XKR8: variants seen among roughly 807,000 people sequenced by gnomAD.
XKR8 encodes the protein XK-related protein 8.
Under a neutral mutation model 17.1 loss-of-function variants are expected in XKR8, and 10 were observed. The ratio of observed to expected loss-of-function variants is 0.59; its 90% confidence interval spans 0.36 to 0.99. The LOEUF is 0.99. Ranked by LOEUF, XKR8 falls within the 50% of genes least tolerant of loss-of-function variation. The pLI, the probability that XKR8 is intolerant of heterozygous loss-of-function variation, is 0.01. For missense variants in XKR8, 411 were observed against 515.6 expected (o/e 0.80, Z 1.96); for synonymous variants, 213 against 251.9 (o/e 0.85, Z 1.46).
In XKR8 at chr1:27,966,407, C is replaced by T. The variant is rs551267940; in HGVS notation, c.491-96C>T. On this transcript the variant is annotated intron_variant, in intron 2 of 2. Transcript: ENST00000373884. This position sits in a 1 kb window ranked among gnomAD's most constrained non-coding sequence, Gnocchi z 4.3. Reference sequence around the variant, plus strand: ...AAACGAGGGATTCTAATACCTACCCCAGGGTTGCTGGGAGGGCCCCCACGG... The same window carrying T: ...AAACGAGGGATTCTAATACCTACCCTAGGGTTGCTGGGAGGGCCCCCACGG... The T allele has an allele frequency of 5.8e-5, 72 of 1,236,204 alleles. No individual in the cohort carries two copies. In the African/African-American group the frequency reaches 8.2e-4, roughly 14 times the overall value. 76.6% of individuals were successfully genotyped at this position (1,236,204 alleles called of 1,614,324 possible). A position where few individuals can be genotyped will look rare whatever the true frequency, so the allele number is the denominator to read the frequency against.
rs574764056 is a variant in XKR8, at chr1:27,962,807, G to A, written c.294-690G>A. Among the ~76,000 whole-genome samples, 5 of 151,978 alleles carry A rather than the reference G, an allele frequency of 3.3e-5. No homozygotes were observed. The East Asian group carries it at 9.7e-4, about 29-fold the overall frequency. ...TGGGGCTTGCTGTGTTGCCCAGGGT[G>A]GTCTCAAACTCCTGGCCTCCAGTGA... On this transcript the variant is annotated intron_variant, in intron 1 of 2. Coordinates refer to ENST00000373884, the MANE Select transcript of XKR8 (RefSeq NM_018053.4).
chr1:27,963,379 C>G, intron 1 of XKR8, 118 bp from the exon 2 acceptor site: 1 of 1,256,110 alleles, frequency 8.0e-7, no homozygotes, highest in East Asian at 2.5e-5. Context: ...CCGAAGGCCC[C>G]ATAGCATGGA....
Position 27,966,446 on chromosome 1 carries a change from TGGG to T in XKR8, c.491-55_491-53del. 6.5e-7 allele frequency: 1 copy of T among 1,538,720 alleles called. No individual in the cohort carries two copies. Among genetic ancestry groups the T allele is most frequent in the African/African-American group, 1.4e-5 (1 of 73,572 alleles). The stretch of plus-strand genomic sequence containing the variant: ...GGGCCCCCACGGTACCTGTGACCGC[TGGG>T]GAGTGCCAAGCAGGCTGGCCCCAGG... On this transcript the variant is annotated intron_variant, in intron 2 of 2. Coordinates refer to ENST00000373884, the MANE Select transcript of XKR8 (RefSeq NM_018053.4). The surrounding 1 kb of genome is among the most constrained non-coding windows in gnomAD (Gnocchi z 4.3).
In XKR8 at chr1:27,965,928, G is replaced by C. The variant is rs1463390109; in HGVS notation, c.491-575G>C. 6.6e-6 allele frequency among the ~76,000 whole-genome samples: 1 copy of C among 152,088 alleles called. No homozygotes were observed. The highest frequency in any genetic ancestry group is 1.5e-5 in the Non-Finnish European group (1 of 68,012). ...AAACTTCTGGATCTTGGAAAATCAA[G>C]GTTAGGGGTCAGTCCGATGGCCTCT... On this transcript the variant is annotated intron_variant, in intron 2 of 2. Transcript: ENST00000373884. This position sits in a 1 kb window ranked among gnomAD's most constrained non-coding sequence, Gnocchi z 4.1.
In XKR8 at chr1:27,960,289, G is replaced by A; in HGVS notation, c.220G>A (p.Gly74Ser). 1 of 1,490,054 alleles carries A rather than the reference G, an allele frequency of 6.7e-7. No individual in the cohort carries two copies. 92.3% of individuals were successfully genotyped at this position (1,490,054 alleles called of 1,614,324 possible). Residue 74 changes from glycine to serine, a missense_variant, in exon 1 of 3, where the codon GGC (glycine) becomes AGC (serine). Coordinates refer to ENST00000373884, the MANE Select transcript of XKR8 (RefSeq NM_018053.4). The surrounding 1 kb of genome is among the most constrained non-coding windows in gnomAD (Gnocchi z 5.9). ...SWLWLRADPA[G>S]LHGSQPPRRC... The stretch of plus-strand genomic sequence containing the variant: ...GCTCTGGCTGCGCGCTGACCCTGCC[G>A]GCCTGCACGGGTCGCAGCCCCCGCG...
rs760479893 is a variant in XKR8, at chr1:27,967,344, C to T, written c.*144C>T. The T allele has an allele frequency of 6.4e-5, 60 of 937,890 alleles. No homozygotes were observed. The highest frequency in any genetic ancestry group is 8.4e-5 in the Non-Finnish European group (55 of 653,558). 58.1% of individuals were successfully genotyped at this position (937,890 alleles called of 1,614,324 possible). ...CAAGAGCGGGACGCCTGTGCTGGGC[C>T]GGGCACCAGGGATGGTGCTGAGTCG... On this transcript the variant is annotated 3_prime_UTR_variant, in exon 3 of 3. Coordinates refer to ENST00000373884, the MANE Select transcript of XKR8 (RefSeq NM_018053.4). This position sits in a 1 kb window ranked among gnomAD's most constrained non-coding sequence, Gnocchi z 4.3.
rs1638543312 is a variant in XKR8, at chr1:27,965,094, C to T, written c.490+1401C>T. Among the ~76,000 whole-genome samples, 1 of 152,178 alleles carries T rather than the reference C, an allele frequency of 6.6e-6. No homozygotes were observed. Among genetic ancestry groups the T allele is most frequent in the Admixed American group, 6.5e-5 (1 of 15,282 alleles). ...GGAAGCACTTACAGTCATCATTGCT[C>T]ATGTTCACAGCAGCCCTGTAGGTTT... is the stretch of plus-strand genomic sequence containing the variant. On this transcript the variant is annotated intron_variant, in intron 2 of 2. Coordinates refer to ENST00000373884, the MANE Select transcript of XKR8 (RefSeq NM_018053.4). The surrounding 1 kb of genome is among the most constrained non-coding windows in gnomAD (Gnocchi z 4.1).
chr1:27,966,000 C>T lies in XKR8; in HGVS notation c.491-503C>T, dbSNP rs1385721144. On this transcript the variant is annotated intron_variant, in intron 2 of 2. Transcript: ENST00000373884. The surrounding 1 kb of genome is among the most constrained non-coding windows in gnomAD (Gnocchi z 4.1). The stretch of plus-strand genomic sequence containing the variant: ...GGAGTGGGGAGACCTTCTGTCCACA[C>T]AGCAGGGACATCTCTCCTGGCCCTG... 1.3e-5 allele frequency among the ~76,000 whole-genome samples: 2 copies of T among 152,168 alleles called. No individual in the cohort carries two copies. Among genetic ancestry groups the T allele is most frequent in the Admixed American group, 1.3e-4 (2 of 15,288 alleles).
chr1:27,967,480 A>G lies in XKR8; in HGVS notation c.*280A>G. On this transcript the variant is annotated 3_prime_UTR_variant, in exon 3 of 3. Transcript: ENST00000373884. The surrounding 1 kb of genome is among the most constrained non-coding windows in gnomAD (Gnocchi z 4.3). ...AGACACTTTGGGAGGAAAGAAGACT[A>G]CCTTTTCCCCCTGCCATTGGTATAG... 2 of 265,354 alleles carry G rather than the reference A, an allele frequency of 7.5e-6. No individual in the cohort carries two copies. Among genetic ancestry groups the G allele is most frequent in the East Asian group, 7.3e-5 (1 of 13,662 alleles). The allele number at this position is 265,354 out of a possible 1,614,324, so 16.4% of individuals were successfully genotyped here.
Position 27,967,351 on chromosome 1 carries a change from C to A in XKR8, c.*151C>A. 1.1e-6 allele frequency: 1 copy of A among 872,066 alleles called. No individual in the cohort carries two copies. Among genetic ancestry groups the A allele is most frequent in the Non-Finnish European group, 1.7e-6 (1 of 593,816 alleles). The allele number at this position is 872,066 out of a possible 1,614,324, so 54.0% of individuals were successfully genotyped here. On this transcript the variant is annotated 3_prime_UTR_variant, in exon 3 of 3. Coordinates refer to ENST00000373884, the MANE Select transcript of XKR8 (RefSeq NM_018053.4). This position sits in a 1 kb window ranked among gnomAD's most constrained non-coding sequence, Gnocchi z 4.3. ...GGGACGCCTGTGCTGGGCCGGGCAC[C>A]AGGGATGGTGCTGAGTCGGGCAGAG...
At chr1:27,963,211 G>A (rs1273128237) in intron 1 of XKR8, among the ~76,000 whole-genome samples, 1 of 152,040 alleles carries the variant, frequency 6.6e-6, no homozygotes. Flanking sequence ...TAGTAGAGAC[G>A]AGGCTTCACC....
Position 27,967,310 on chromosome 1 carries a change from T to G in XKR8, c.*110T>G. The G allele has an allele frequency of 7.9e-7, 1 of 1,264,820 alleles. No homozygotes were observed. The highest frequency in any genetic ancestry group is 2.6e-5 in the Admixed American group (1 of 38,084). The allele number at this position is 1,264,820 out of a possible 1,614,324, so 78.3% of individuals were successfully genotyped here. A position where few individuals can be genotyped will look rare whatever the true frequency, so the allele number is the denominator to read the frequency against. On this transcript the variant is annotated 3_prime_UTR_variant, in exon 3 of 3. Coordinates refer to ENST00000373884, the MANE Select transcript of XKR8 (RefSeq NM_018053.4). The surrounding 1 kb of genome is among the most constrained non-coding windows in gnomAD (Gnocchi z 4.3). The stretch of plus-strand genomic sequence containing the variant: ...GCTAACGATGCTGCTGTGGCCTCTA[T>G]GCACTCAGCAAGAGCGGGACGCCTG...
At chr1:27,964,488 TAAAAG>T (rs1462790536) in intron 2 of XKR8, among the ~76,000 whole-genome samples, 1 of 152,116 alleles carries the variant, frequency 6.6e-6, no homozygotes, top group Admixed American at 6.6e-5. Context: ...TTCAAAATTT[TAAAAG>T]AGAAACAAGA....
At chr1:27,963,740 G>T in intron 2 of XKR8, 47 bp downstream of exon 2, 3 of 1,458,884 alleles carry the variant, frequency 2.1e-6, no homozygotes, top group African/African-American at 1.4e-5. Context: ...CTTGGTGGGG[G>T]GTCTCTCAAA....
intron 1 of XKR8, among the ~76,000 whole-genome samples, chr1:27,962,590 GAA>G (rs773470872): frequency 7.0e-6 from 1 of 142,410 alleles, no homozygotes; most frequent in Non-Finnish European, 1.6e-5. Flanking sequence ...CAAAAAAAAA[GAA>G]AAAAAAAAAG....
intron 1 of XKR8, 61 bp from the exon 2 acceptor site, chr1:27,963,436 G>A: frequency 6.5e-7 from 1 of 1,541,766 alleles, no homozygotes; most frequent in South Asian, 1.3e-5. Flanking sequence ...AGATGGGTGG[G>A]AGGCTGAGGA....
At chr1:27,963,766 T>G in intron 2 of XKR8, 73 bp downstream of exon 2, 1 of 1,401,454 alleles carries the variant, frequency 7.1e-7, no homozygotes, top group South Asian at 1.5e-5. Flanking sequence ...GAACTGTTTT[T>G]AGTCTTTTAT....
In XKR8 at chr1:27,959,981, C is replaced by A. The variant is rs574573057; in HGVS notation, c.-89C>A. ...AGGCCCCGGGCCGCCCCGAGGGCTG[C>A]GCCCACCTCCTTCCTGCCTCGGCAA... On this transcript the variant is annotated 5_prime_UTR_variant, in exon 1 of 3. Coordinates refer to ENST00000373884, the MANE Select transcript of XKR8 (RefSeq NM_018053.4). The A allele has an allele frequency of 8.1e-7, 1 of 1,234,014 alleles. No individual in the cohort carries two copies. Among genetic ancestry groups the A allele is most frequent in the Non-Finnish European group, 1.0e-6 (1 of 955,078 alleles). The allele number at this position is 1,234,014 out of a possible 1,614,324, so 76.4% of individuals were successfully genotyped here. A position where few individuals can be genotyped will look rare whatever the true frequency, so the allele number is the denominator to read the frequency against.
In XKR8 at chr1:27,960,240, C is replaced by T. The variant is rs1321236368; in HGVS notation, c.171C>T (p.Ser57=). The T allele has an allele frequency of 6.6e-7, 1 of 1,526,248 alleles. No individual in the cohort carries two copies. Among genetic ancestry groups the T allele is most frequent in the Admixed American group, 2.0e-5 (1 of 50,442 alleles). The allele number at this position is 1,526,248 out of a possible 1,614,324, so 94.5% of individuals were successfully genotyped here. A position where few individuals can be genotyped will look rare whatever the true frequency, so the allele number is the denominator to read the frequency against. Residue 57 remains serine, a synonymous_variant, in exon 1 of 3, where the codon TCC becomes TCT. Coordinates refer to ENST00000373884, the MANE Select transcript of XKR8 (RefSeq NM_018053.4). The surrounding 1 kb of genome is among the most constrained non-coding windows in gnomAD (Gnocchi z 5.9). ...TGCTGGCGCTGCTGGGCCTGGCCTCCGTGGCGCTGCAGCTCTTCAGCTGGC... is the reference window on the plus strand; with the variant it reads ...TGCTGGCGCTGCTGGGCCTGGCCTCTGTGGCGCTGCAGCTCTTCAGCTGGC... The part of the protein sequence containing the change: ...ALVLALLGLA[S]VALQLFSWLW...
Sources: allele counts gnomAD v4.1 joint callset (sites outside exome capture counted in the v4.1 genomes callset), GRCh38; gene constraint gnomAD v4.1.1; non-coding constraint Gnocchi (gnomAD v3.1); transcripts MANE v1.5; gene names NCBI Gene and HGNC (gene_info 2026-07-23, HGNC 2026-07-21).